The following ADH1A variants were observed in gnomAD, a reference collection of about 807,000 sequenced individuals.
The protein encoded by ADH1A is alcohol dehydrogenase 1A (class I), alpha polypeptide.
Under a neutral mutation model 35.2 loss-of-function variants are expected in ADH1A, and 29 were observed. That is an observed-to-expected ratio of 0.82 (90% CI 0.61 to 1.12). The LOEUF is 1.12. Among genes scored for constraint, ADH1A ranks in the 50% most tolerant of loss-of-function variants. The probability of loss-of-function intolerance (pLI) is 0.00; values close to 1 mark genes in which losing one functional copy is unlikely to be tolerated. For synonymous variants in ADH1A, 147 were observed against 164.8 expected (o/e 0.89, Z 0.83); for missense variants, 469 against 464.7 (o/e 1.01, Z -0.09).
chr4:99,281,107 CATT>C (rs1732991316), intron 6 of ADH1A: 1 of 152,134 alleles, frequency 6.6e-6, no homozygotes, highest in African/African-American at 2.4e-5. Flanking sequence ...AGGAAAAGAA[CATT>C]AGGAGAAAAG....
chr4:99,282,149 T>G, intron 6 of ADH1A, 197 bp downstream of exon 6: 2 of 1,010,478 alleles, frequency 2.0e-6, no homozygotes, highest in African/African-American at 1.6e-5. Context: ...AAATATGACT[T>G]GAGACACGTT....
rs1553910906 is a variant in ADH1A, at chr4:99,282,578, AAC to A, written c.594_595del (p.Phe199TrpfsTer14). 1 of 1,614,112 alleles carries A rather than the reference AAC, an allele frequency of 6.2e-7. No individual in the cohort carries two copies. The highest frequency in any genetic ancestry group is 8.5e-7 in the Non-Finnish European group (1 of 1,180,048). ...AGATAGGCCGACCCCTCCCAGGCCA[AAC>A]ACAGCACAGGTAGAGCCTGGGGTGA... On this transcript the variant is annotated frameshift_variant, in exon 6 of 9. Transcript: ENST00000209668. LOFTEE classifies it high-confidence loss of function.
At chr4:99,288,918 C>G (rs1733224223) in intron 1 of ADH1A, 1 of 152,106 alleles carries the variant, frequency 6.6e-6, no homozygotes, top group Non-Finnish European at 1.5e-5. Context: ...ACCCTTCACT[C>G]AAGCAGTGTA....
rs775356880 is a variant in ADH1A, at chr4:99,282,390, C to T, written c.784G>A (p.Gly262Ser). ...QEVLKEMTDG[G>S]VDFSFEVIGR... Reference sequence around the variant, plus strand: ...ATGACTTCAAATGAAAAATCCACACCTCCATCAGTCATTTCCTTTAGCACC... The same window carrying T: ...ATGACTTCAAATGAAAAATCCACACTTCCATCAGTCATTTCCTTTAGCACC... The change falls in exon 6 of 9, where the codon GGT (glycine) becomes AGT (serine). Residue 262 changes from glycine to serine, a missense_variant. Transcript: ENST00000209668. The T allele has an allele frequency of 8.7e-6, 14 of 1,614,036 alleles. No individual in the cohort carries two copies. The highest frequency in any genetic ancestry group is 1.3e-5 in the African/African-American group (1 of 74,944).
Position 99,280,208 on chromosome 4 carries a change from T to C in ADH1A, c.900A>G (p.Gln300=), listed in dbSNP as rs150277869. ...SVIVGVPPDS[Q]NLSMNPMLLL... ...GCAGCATAGGGTTCATTGAGAGGTTTTGGGAATCAGGAGGTACCCCTACGA... is the reference window on the plus strand; with the variant it reads ...GCAGCATAGGGTTCATTGAGAGGTTCTGGGAATCAGGAGGTACCCCTACGA... Residue 300 remains glutamine, a synonymous_variant, in exon 7 of 9, where the codon CAA becomes CAG. Coordinates refer to ENST00000209668, the MANE Select transcript of ADH1A (RefSeq NM_000667.4). 5.1e-4 allele frequency: 826 copies of C among 1,613,852 alleles called. 3 individuals carry two copies. In the African/African-American group the frequency reaches 9.9e-3, roughly 19 times the overall value.
chr4:99,279,308 G>T, intron 8 of ADH1A, 118 bp downstream of exon 8: 1 of 1,302,578 alleles, frequency 7.7e-7, no homozygotes, highest in Non-Finnish European at 1.0e-6. Flanking sequence ...AGACTGAACT[G>T]GTAATGGAAG....
At chr4:99,278,148 T>A (rs1015368708) in intron 8 of ADH1A, among the ~76,000 whole-genome samples, 2 of 152,132 alleles carry the variant, frequency 1.3e-5, no homozygotes, top group African/African-American at 4.8e-5. Context: ...CTTCATGACT[T>A]CTTATGTTGC....
rs1560519338 is a variant in ADH1A, at chr4:99,287,560, T to C, written c.120+4A>G. The C allele has an allele frequency of 1.9e-6, 3 of 1,604,928 alleles. No homozygotes were observed. Among genetic ancestry groups the C allele is most frequent in the Non-Finnish European group, 1.7e-6 (2 of 1,176,416 alleles). On this transcript the variant is annotated splice_donor_region_variant and intron_variant, in intron 2 of 8. Coordinates refer to ENST00000209668, the MANE Select transcript of ADH1A (RefSeq NM_000667.4). ...TTAAATACAAATGGAAAAATGTATT[T>C]CACCTTAATACGAACTTCATGGGCC... is the stretch of plus-strand genomic sequence containing the variant.
chr4:99,277,405 G>A (rs1732896714), intron 8 of ADH1A, among the ~76,000 whole-genome samples: 1 of 151,890 alleles, frequency 6.6e-6, no homozygotes, highest in African/African-American at 2.4e-5. Context: ...AACTTCTCAT[G>A]AATAAATATT....
chr4:99,284,010 A>C (rs28364316), intron 5 of ADH1A, among the ~76,000 whole-genome samples: 1 of 152,166 alleles, frequency 6.6e-6, no homozygotes, highest in African/African-American at 2.4e-5. Flanking sequence ...CTGCTCCTCA[A>C]GGGCAAACGC....
At chr4:99,288,679 A>G (rs1260580428) in intron 1 of ADH1A, 3 of 152,224 alleles carry the variant, frequency 2.0e-5, no homozygotes, top group Non-Finnish European at 4.4e-5. Context: ...GTTCAACATG[A>G]TCAATGCCAA....
Position 99,286,761 on chromosome 4 carries a change from T to C in ADH1A, c.259+89A>G, listed in dbSNP as rs543770183. 21 of 1,565,278 alleles carry C rather than the reference T, an allele frequency of 1.3e-5. 1 individual carries two copies. In the South Asian group the frequency reaches 2.5e-4, roughly 18 times the overall value. ...CTGCGCGGTGACCTTGGTCAAGCCCTTTCGTCCCTCTTTGCCTCTGTTTCC... is the reference window on the plus strand; with the variant it reads ...CTGCGCGGTGACCTTGGTCAAGCCCCTTCGTCCCTCTTTGCCTCTGTTTCC... On this transcript the variant is annotated intron_variant, in intron 3 of 8. Coordinates refer to ENST00000209668, the MANE Select transcript of ADH1A (RefSeq NM_000667.4).
chr4:99,286,074 T>C (rs1733146331), intron 3 of ADH1A, among the ~76,000 whole-genome samples: 1 of 152,108 alleles, frequency 6.6e-6, no homozygotes, highest in African/African-American at 2.4e-5. Context: ...TAATTTTTAT[T>C]TTAAATTACC....
chr4:99,283,373 G>A (rs1733052560), intron 5 of ADH1A, among the ~76,000 whole-genome samples: 1 of 152,082 alleles, frequency 6.6e-6, no homozygotes, highest in African/African-American at 2.4e-5. Flanking sequence ...TTGGCCAGGG[G>A]ATATTTATTA....
intron 6 of ADH1A, among the ~76,000 whole-genome samples, chr4:99,280,628 G>T (rs1732980484): frequency 6.6e-6 from 1 of 152,108 alleles, no homozygotes; most frequent in Non-Finnish European, 1.5e-5. Flanking sequence ...CTGTGAGTTG[G>T]TTAATTCATT....
chr4:99,280,359 G>T, intron 6 of ADH1A, 80 bp from the exon 7 acceptor site: 1 of 1,593,526 alleles, frequency 6.3e-7, no homozygotes, highest in South Asian at 1.1e-5. Context: ...CATGTAATAG[G>T]CTTAACTGGA....
rs942080707 is a variant in ADH1A at position 99,286,861 on chromosome 4, G to A, written c.248C>T (p.Thr83Ile). 2 of 1,613,988 alleles carry A rather than the reference G, an allele frequency of 1.2e-6. No homozygotes were observed. The highest frequency in any genetic ancestry group is 1.7e-6 in the Non-Finnish European group (2 of 1,179,990). Residue 83 changes from threonine (T) to isoleucine (I), a missense_variant, in exon 3 of 9, where the codon ACA becomes ATA. Coordinates refer to ENST00000209668, the MANE Select transcript of ADH1A (RefSeq NM_000667.4). ...TGTGAATCCTGTACCTGGTTTGACT[G>A]TAGTCACCCCTTCTCCAACACTCTC... ...IVESVGEGVT[T>I]VKPGDKVIPL...
chr4:99,288,983 C>T lies in ADH1A; in HGVS notation c.19-1318G>A, dbSNP rs572329348. Reference sequence around the variant, plus strand: ...CTCACCTCCCCTTTCAACCTTCCCCCTCGAGTTCCCAAAGTTCATGATATC... The same window carrying T: ...CTCACCTCCCCTTTCAACCTTCCCCTTCGAGTTCCCAAAGTTCATGATATC... On this transcript the variant is annotated intron_variant, in intron 1 of 8. Coordinates refer to ENST00000209668, the MANE Select transcript of ADH1A (RefSeq NM_000667.4). 9.9e-5 allele frequency among the ~76,000 whole-genome samples: 15 copies of T among 152,202 alleles called. 1 individual carries two copies. In the South Asian group the frequency reaches 3.1e-3, roughly 32 times the overall value.
intron 6 of ADH1A, chr4:99,281,276 GT>G (rs1220891972): frequency 3.3e-5 from 5 of 152,188 alleles, no homozygotes; most frequent in African/African-American, 1.2e-4. Flanking sequence ...AAACGTGTTG[GT>G]CTCTGGAGAC....
Sources: allele counts gnomAD v4.1 joint callset (sites outside exome capture counted in the v4.1 genomes callset), GRCh38; gene constraint gnomAD v4.1.1; transcripts MANE v1.5; gene names NCBI Gene and HGNC (gene_info 2026-07-23, HGNC 2026-07-21).